The following CNTNAP3B variants were observed in gnomAD, a reference collection of about 807,000 sequenced individuals.
The protein encoded by CNTNAP3B is contactin-associated protein-like 3B.
A neutral mutation model predicts 108.9 loss-of-function variants in CNTNAP3B; 25 were observed. The observed-to-expected ratio is 0.23, with a 90% CI of 0.17 to 0.32. The LOEUF (loss-of-function observed/expected upper bound fraction) is 0.32. CNTNAP3B is among the 10% of genes least tolerant of loss of function. The pLI is 1.00. For synonymous variants in CNTNAP3B, 103 were observed against 473.4 expected, an observed-to-expected ratio of 0.22 and a Z score of 10.16; for missense variants, 252 against 1,210.4, an observed-to-expected ratio of 0.21 and a Z score of 11.75.
chr9:41,935,038 T>C (rs1478885504), intron 14 of CNTNAP3B, among the ~76,000 whole-genome samples: 3 of 152,112 alleles, frequency 2.0e-5, no homozygotes, highest in South Asian at 2.1e-4. Context: ...ATGTTATATG[T>C]ATATTTTAGA....
intron 3 of CNTNAP3B, among the ~76,000 whole-genome samples, chr9:42,054,170 T>C (rs1207069032): frequency 1.2e-4 from 11 of 93,240 alleles, no homozygotes; most frequent in South Asian, 6.5e-4. Flanking sequence ...TCTGTGCGTG[T>C]GTGTGTGTGT....
chr9:42,117,858 C>A (rs1195864682), intron 1 of CNTNAP3B, among the ~76,000 whole-genome samples: 3 of 138,612 alleles, frequency 2.2e-5, no homozygotes, highest in Non-Finnish European at 3.1e-5. Flanking sequence ...ACCACCGATC[C>A]CACAGAAATA....
intron 15 of CNTNAP3B, among the ~76,000 whole-genome samples, chr9:41,925,319 C>T (rs1481174716): frequency 6.6e-6 from 1 of 152,068 alleles, no homozygotes; most frequent in Admixed American, 6.6e-5. Context: ...CTCGGCTAGG[C>T]GCAGTGGCTC....
chr9:42,088,991 C>A (rs1039874527), intron 2 of CNTNAP3B, among the ~76,000 whole-genome samples: 1 of 127,174 alleles, frequency 7.9e-6, no homozygotes, highest in East Asian at 2.6e-4. Flanking sequence ...CCAAGGTGGG[C>A]GAATCCCCTG....
intron 1 of CNTNAP3B, among the ~76,000 whole-genome samples, chr9:42,108,377 G>T (rs2118707716): frequency 7.2e-6 from 1 of 138,336 alleles, no homozygotes; most frequent in Non-Finnish European, 1.5e-5. Flanking sequence ...GGTTGAAAAT[G>T]ATATAAAATG....
intron 3 of CNTNAP3B, among the ~76,000 whole-genome samples, chr9:42,028,805 G>GA (rs55930965): frequency 0.12 from 17,677 of 142,952 alleles, 90 homozygotes; most frequent in Non-Finnish European, 0.15. Context: ...TTTGCATTCA[G>GA]AAAAAAAATT....
At chr9:41,951,628 CAGACTT>C (rs1191624646) in intron 13 of CNTNAP3B, among the ~76,000 whole-genome samples, 3 of 152,262 alleles carry the variant, frequency 2.0e-5, no homozygotes, top group African/African-American at 7.2e-5. Context: ...TGCTAAGTGA[CAGACTT>C]AGCACTTGAA....
intron 2 of CNTNAP3B, among the ~76,000 whole-genome samples, chr9:42,085,274 A>ATAGAT (rs1827680130): frequency 6.6e-6 from 1 of 151,552 alleles, no homozygotes; most frequent in Non-Finnish European, 1.5e-5. Flanking sequence ...CAAAACCAGG[A>ATAGAT]AACGATGTAT....
intron 10 of CNTNAP3B, among the ~76,000 whole-genome samples, chr9:41,967,707 C>G (rs570008277): frequency 2.6e-5 from 4 of 152,380 alleles, no homozygotes; most frequent in East Asian, 3.9e-4. Context: ...TTTGTGTCCC[C>G]AAAGTTTTCT....
intron 7 of CNTNAP3B, chr9:41,994,567 T>C (rs1825861568): frequency 3.4e-6 from 1 of 292,488 alleles, no homozygotes; most frequent in Non-Finnish European, 6.1e-6. Context: ...TTCATTTTTA[T>C]GATCTCAGCA....
At chr9:41,966,192 C>G (rs1309654729) in intron 10 of CNTNAP3B, among the ~76,000 whole-genome samples, 1 of 152,304 alleles carries the variant, frequency 6.6e-6, no homozygotes, top group Admixed American at 6.5e-5. Context: ...CCTTCTCCCC[C>G]TCCTCCCCTT....
intron 14 of CNTNAP3B, 95 bp from the exon 15 acceptor site, chr9:41,929,539 T>G (rs1337344856): frequency 6.9e-7 from 1 of 1,457,326 alleles, no homozygotes; most frequent in African/African-American, 1.6e-5. Context: ...ACTAACATCA[T>G]AGAGCTTAAC....
chr9:41,936,220 TGAGCTGAGATCGCACCACTGCATTCCA>T (rs1342050314), intron 14 of CNTNAP3B, among the ~76,000 whole-genome samples: 1 of 152,246 alleles, frequency 6.6e-6, no homozygotes, highest in Non-Finnish European at 1.5e-5. Context: ...CAGGTTGCAG[TGAGCTGAGATCGCACCACTGCATTCCA>T]GCCTGGGCGA....
At chr9:42,078,551 A>G in intron 2 of CNTNAP3B, among the ~76,000 whole-genome samples, 1 of 138,970 alleles carries the variant, frequency 7.2e-6, no homozygotes, top group Non-Finnish European at 1.5e-5. Context: ...CAGGAATTTG[A>G]TCTAGTAGAC....
rs187316149 is a variant in CNTNAP3B, at chr9:42,031,046, T to C, written c.391-17521A>G. On this transcript the variant is annotated intron_variant, in intron 3 of 23. Transcript: ENST00000377561. ...CTCTCCAGGTTTGAGTCTCTTTATC[T>C]CTAGGTTTGAATCTTCTGATTGATT... Among the ~76,000 whole-genome samples the C allele has an allele frequency of 2.8e-4, 28 of 98,536 alleles. 3 individuals carry two copies. The highest frequency in any genetic ancestry group is 5.0e-4 in the Non-Finnish European group (24 of 47,954). The allele number at this position is 98,536 out of a possible 152,430, so 64.6% of individuals were successfully genotyped here. A position where few individuals can be genotyped will look rare whatever the true frequency, so the allele number is the denominator to read the frequency against.
chr9:41,939,757 A>G (rs1179939101), intron 13 of CNTNAP3B, among the ~76,000 whole-genome samples: 1 of 152,284 alleles, frequency 6.6e-6, no homozygotes, highest in Non-Finnish European at 1.5e-5. Flanking sequence ...TATTCCCCAT[A>G]AAGTAGTAAA....
At chr9:42,021,889 G>C (rs1161303874) in intron 3 of CNTNAP3B, among the ~76,000 whole-genome samples, 2 of 135,178 alleles carry the variant, frequency 1.5e-5, no homozygotes, top group Admixed American at 1.5e-4. Flanking sequence ...ACAAAATTAT[G>C]GCAATGGGGA....
At chr9:41,941,277 A>C (rs1478082821) in intron 13 of CNTNAP3B, among the ~76,000 whole-genome samples, 2 of 148,934 alleles carry the variant, frequency 1.3e-5, no homozygotes, top group Admixed American at 1.3e-4. Flanking sequence ...AATCAACTGA[A>C]AAAAAAATAA....
At chr9:41,935,244 T>A (rs1824121040) in intron 14 of CNTNAP3B, among the ~76,000 whole-genome samples, 1 of 152,284 alleles carries the variant, frequency 6.6e-6, no homozygotes, top group African/African-American at 2.4e-5. Flanking sequence ...AACTTTTTTT[T>A]AAGTAATATG....
Sources: allele counts gnomAD v4.1 joint callset (sites outside exome capture counted in the v4.1 genomes callset), GRCh38; gene constraint gnomAD v4.1.1; transcripts MANE v1.5; gene names NCBI Gene and HGNC (gene_info 2026-07-23, HGNC 2026-07-21).